Variants in CDK8 observed in about 807,000 individuals in gnomAD.
The protein encoded by CDK8 is cyclin-dependent kinase 8.
Under a neutral mutation model 71.5 loss-of-function variants are expected in CDK8, and 29 were observed. The observed-to-expected ratio is 0.41, with a 90% CI of 0.30 to 0.55. The LOEUF (loss-of-function observed/expected upper bound fraction) is 0.55, where lower values mean the gene tolerates loss of function less well. CDK8 is among the 20% of genes least tolerant of loss of function. CDK8 has a pLI of 0.37. For synonymous variants in CDK8, 161 were observed against 192.1 expected (o/e 0.84, Z 1.34); for missense variants, 288 against 572.6 (o/e 0.50, Z 5.07).
At chr13:26,395,692 A>G (rs1875959977) in intron 7 of CDK8, among the ~76,000 whole-genome samples, 1 of 152,144 alleles carries the variant, frequency 6.6e-6, no homozygotes, top group Non-Finnish European at 1.5e-5. Flanking sequence ...GTTTTGGGTA[A>G]TGTTAACCAG....
chr13:26,287,844 G>A (rs1873094050), intron 1 of CDK8, among the ~76,000 whole-genome samples: 1 of 151,854 alleles, frequency 6.6e-6, no homozygotes, highest in African/African-American at 2.4e-5. Context: ...ACTATAAAGT[G>A]CTAGGAGAAA....
At chr13:26,323,211 T>G (rs956139474) in intron 1 of CDK8, among the ~76,000 whole-genome samples, 13 of 152,040 alleles carry the variant, frequency 8.6e-5, no homozygotes, top group African/African-American at 3.1e-4. Context: ...TTCTGGAAGT[T>G]GTAAAATCCA....
At chr13:26,385,513 T>C (rs1443125604) in intron 6 of CDK8, among the ~76,000 whole-genome samples, 171 bp downstream of exon 6, 1 of 152,148 alleles carries the variant, frequency 6.6e-6, no homozygotes, top group African/African-American at 2.4e-5. Flanking sequence ...GGCAGCTGGA[T>C]CACTTGAGTC....
At chr13:26,307,528 C>G (rs182006338) in intron 1 of CDK8, among the ~76,000 whole-genome samples, 62 of 152,286 alleles carry the variant, frequency 4.1e-4, no homozygotes, top group Admixed American at 3.7e-3. Flanking sequence ...TGCAGTCCTG[C>G]TGGTACCATG....
At chr13:26,296,018 G>A (rs920809193) in intron 1 of CDK8, among the ~76,000 whole-genome samples, 3 of 152,064 alleles carry the variant, frequency 2.0e-5, no homozygotes, top group African/African-American at 7.2e-5. Flanking sequence ...CACCACAGAC[G>A]GATACTAAAA....
At chr13:26,283,284 A>G (rs1042302921) in intron 1 of CDK8, among the ~76,000 whole-genome samples, 4 of 152,242 alleles carry the variant, frequency 2.6e-5, no homozygotes, top group African/African-American at 9.6e-5. Flanking sequence ...AAGATAGACC[A>G]TATGATAGGT....
chr13:26,287,783 A>C (rs1320239485), intron 1 of CDK8, among the ~76,000 whole-genome samples: 3 of 152,196 alleles, frequency 2.0e-5, no homozygotes, highest in Non-Finnish European at 2.9e-5. Flanking sequence ...AAGAAGTCAA[A>C]AGTAATAATA....
intron 1 of CDK8, among the ~76,000 whole-genome samples, chr13:26,266,217 A>G (rs1254466877): frequency 6.6e-6 from 1 of 152,220 alleles, no homozygotes; most frequent in Non-Finnish European, 1.5e-5. Flanking sequence ...CTGAGAAGAA[A>G]TGTGCATTAG....
chr13:26,263,456 T>G (rs1330782038), intron 1 of CDK8, among the ~76,000 whole-genome samples: 1 of 150,858 alleles, frequency 6.6e-6, no homozygotes, highest in Non-Finnish European at 1.5e-5. Flanking sequence ...TACCTTTTTT[T>G]TTGAGCCAGA....
At chr13:26,347,450 C>T (rs1184059777) in intron 2 of CDK8, among the ~76,000 whole-genome samples, 1 of 152,112 alleles carries the variant, frequency 6.6e-6, no homozygotes, top group Non-Finnish European at 1.5e-5. Flanking sequence ...TTACAAACTA[C>T]AGATTTGTTT....
intron 4 of CDK8, among the ~76,000 whole-genome samples, chr13:26,366,636 T>C (rs1874402435): frequency 6.6e-6 from 1 of 152,236 alleles, no homozygotes; most frequent in Non-Finnish European, 1.5e-5. Flanking sequence ...TAAGTAGGTA[T>C]GTGTTCTGAA....
At chr13:26,268,099 C>T (rs1168135722) in intron 1 of CDK8, among the ~76,000 whole-genome samples, 1 of 152,092 alleles carries the variant, frequency 6.6e-6, no homozygotes, top group Non-Finnish European at 1.5e-5. Flanking sequence ...AAATGTTGCA[C>T]CAATTACACT....
At chr13:26,258,055 C>T (rs1871606657) in intron 1 of CDK8, among the ~76,000 whole-genome samples, 1 of 152,058 alleles carries the variant, frequency 6.6e-6, no homozygotes, top group Admixed American at 6.6e-5. Flanking sequence ...GGGCAAAGCA[C>T]TTTACATTCA....
At chr13:26,337,251 T>A (rs1039856937) in intron 1 of CDK8, among the ~76,000 whole-genome samples, 13 of 152,340 alleles carry the variant, frequency 8.5e-5, no homozygotes, top group Non-Finnish European at 1.8e-4. Flanking sequence ...TTTATATGTG[T>A]GTGTTATGTT....
intron 2 of CDK8, among the ~76,000 whole-genome samples, chr13:26,343,990 C>T (rs1873356273): frequency 6.6e-6 from 1 of 152,036 alleles, no homozygotes; most frequent in Non-Finnish European, 1.5e-5. Flanking sequence ...GGAATGATCT[C>T]ATCACCCAGA....
At chr13:26,309,141 AT>A (rs71080250) in intron 1 of CDK8, among the ~76,000 whole-genome samples, 116,208 of 128,910 alleles carry the variant, frequency 0.9, 52,177 homozygotes, top group East Asian at 0.97. Context: ...ATGTATATAG[AT>A]TTTTTTTTTT....
rs1195264086 is a variant in CDK8, at chr13:26,385,474, C to G, written c.646+132C>G. Reference sequence around the variant, plus strand: ...AGCAGACTGAGTGTGATGGCTCATGCCTGTAATCCAAGCACTTTGGGAGGC... The same window carrying G: ...AGCAGACTGAGTGTGATGGCTCATGGCTGTAATCCAAGCACTTTGGGAGGC... On this transcript the variant is annotated intron_variant, in intron 6 of 12. Transcript: ENST00000381527. The G allele has an allele frequency of 5.9e-6, 4 of 678,996 alleles. No homozygotes were observed. The Admixed American group carries it at 1.4e-4, about 24-fold the overall frequency. The allele number at this position is 678,996 out of a possible 1,614,324, so 42.1% of individuals were successfully genotyped here.
At chr13:26,290,584 C>T (rs1873247463) in intron 1 of CDK8, among the ~76,000 whole-genome samples, 1 of 152,092 alleles carries the variant, frequency 6.6e-6, no homozygotes. Flanking sequence ...ACCCCACACC[C>T]CTTTTCTCCT....
intron 12 of CDK8, among the ~76,000 whole-genome samples, chr13:26,403,511 T>C (rs1445404379): frequency 6.6e-6 from 1 of 152,122 alleles, no homozygotes; most frequent in Non-Finnish European, 1.5e-5. Flanking sequence ...AAGAAATGGA[T>C]TCTGTGATAC....
Sources: allele counts gnomAD v4.1 joint callset (sites outside exome capture counted in the v4.1 genomes callset), GRCh38; gene constraint gnomAD v4.1.1; transcripts MANE v1.5; gene names NCBI Gene and HGNC (gene_info 2026-07-23, HGNC 2026-07-21).